The following AK9 variants were observed in gnomAD, a reference collection of about 807,000 sequenced individuals.
AK9 encodes the protein adenylate kinase 9, also known as adenylate kinase domain containing 1.
Under a neutral mutation model 239.6 loss-of-function variants are expected in AK9, and 191 were observed. The ratio of observed to expected loss-of-function variants is 0.80; its 90% CI spans 0.71 to 0.90. The LOEUF (loss-of-function observed/expected upper bound fraction) is 0.90, where lower values mean the gene tolerates loss of function less well. AK9 is among the 40% of genes least tolerant of loss of function. The pLI, the probability that AK9 is intolerant of heterozygous loss-of-function variation, is 0.00. For synonymous variants in AK9, 689 were observed against 721.0 expected (o/e 0.96, Z 0.71); for missense variants, 1,995 against 2,214.7 (o/e 0.90, Z 1.99).
chr6:109,514,221 C>T lies in AK9; in HGVS notation c.4279+3G>A. 2 of 1,549,086 alleles carry T rather than the reference C, an allele frequency of 1.3e-6. No individual in the cohort carries two copies. Among genetic ancestry groups the T allele is most frequent in the Non-Finnish European group, 1.7e-6 (2 of 1,145,780 alleles). ...AGGAAAACAAAGGCAAACATACGCTCACCTGTAGTTTTCCCAGATTTTGGA... is the reference window on the plus strand; with the variant it reads ...AGGAAAACAAAGGCAAACATACGCTTACCTGTAGTTTTCCCAGATTTTGGA... On this transcript the variant is annotated splice_donor_region_variant and intron_variant, in intron 32 of 40. Transcript: ENST00000424296.
At chr6:109,507,228 A>C (rs541472563) in intron 33 of AK9, among the ~76,000 whole-genome samples, 1 of 152,332 alleles carries the variant, frequency 6.6e-6, no homozygotes, top group Non-Finnish European at 1.5e-5. Flanking sequence ...AATGATGTTT[A>C]ACTCTTAGAG....
intron 25 of AK9, among the ~76,000 whole-genome samples, chr6:109,547,096 TA>T (rs995083009): frequency 1.6e-4 from 24 of 151,922 alleles, no homozygotes; most frequent in African/African-American, 5.6e-4. Flanking sequence ...CAGAAAAGGG[TA>T]AGTGGCCACA....
chr6:109,641,516 AC>A lies in AK9; in HGVS notation c.933+1del, dbSNP rs1797444857. On this transcript the variant is annotated splice_donor_variant, in intron 10 of 40. Coordinates refer to ENST00000424296, the MANE Select transcript of AK9 (RefSeq NM_001145128.3). LOFTEE classifies it high-confidence loss of function. ...ACTTTCAGACAGTTCCATATAACTT[AC>A]ATTTTCCATTGTGTCATTAATTTCT... 1 of 1,608,460 alleles carries A rather than the reference AC, an allele frequency of 6.2e-7. No homozygotes were observed. Among genetic ancestry groups the A allele is most frequent in the Admixed American group, 1.7e-5 (1 of 59,938 alleles).
At chr6:109,519,330 C>T (rs1779594220) in intron 29 of AK9, among the ~76,000 whole-genome samples, 1 of 152,102 alleles carries the variant, frequency 6.6e-6, no homozygotes. Flanking sequence ...TGTATATATA[C>T]CCAGTAATGG....
chr6:109,641,642 C>CAGA (rs1562536189), intron 9 of AK9, 26 bp from the exon 10 acceptor site: 1 of 1,568,512 alleles, frequency 6.4e-7, no homozygotes, highest in South Asian at 1.1e-5. Flanking sequence ...AGATATTTAA[C>CAGA]TACATTGGCA....
At chr6:109,547,839 T>A (rs1435457775) in intron 25 of AK9, among the ~76,000 whole-genome samples, 6 of 88,840 alleles carry the variant, frequency 6.8e-5, no homozygotes, top group South Asian at 5.7e-4. Flanking sequence ...CTCAAACAGC[T>A]CAGTAGCAAA....
intron 26 of AK9, among the ~76,000 whole-genome samples, chr6:109,545,231 G>C (rs746196590): frequency 6.6e-6 from 1 of 152,106 alleles, no homozygotes; most frequent in Non-Finnish European, 1.5e-5. Context: ...CTTGAGCCCA[G>C]GAATTTGAGA....
chr6:109,495,984 A>T (rs552264605), intron 38 of AK9, among the ~76,000 whole-genome samples: 2,217 of 145,046 alleles, frequency 0.015, 55 homozygotes, highest in African/African-American at 0.053. Context: ...TCCCCATTTA[A>T]AAAAAAAAAA....
In AK9 at chr6:109,641,349, CT is replaced by C. The variant is rs913203723; in HGVS notation, c.933+168del. 1.7e-3 allele frequency among the ~76,000 whole-genome samples: 214 copies of C among 124,354 alleles called. 1 individual carries two copies. The highest frequency in any genetic ancestry group is 7.4e-3 in the South Asian group (28 of 3,800). 81.6% of individuals were successfully genotyped at this position (124,354 alleles called of 152,430 possible). On this transcript the variant is annotated intron_variant, in intron 10 of 40. Coordinates refer to ENST00000424296, the MANE Select transcript of AK9 (RefSeq NM_001145128.3). ...CACCTGGCTAATTTTTTCTTTCTTTCTTTTTTTTTTTTTTTTTTTGTAGAGA... is the reference window on the plus strand; with the variant it reads ...CACCTGGCTAATTTTTTCTTTCTTTCTTTTTTTTTTTTTTTTTTGTAGAGA...
chr6:109,681,787 C>T (rs775097238), intron 1 of AK9, among the ~76,000 whole-genome samples: 4 of 152,156 alleles, frequency 2.6e-5, no homozygotes, highest in African/African-American at 4.8e-5. Context: ...GATTAAGAAA[C>T]TCACTCAAAG....
At chr6:109,689,996 G>A (rs1301732479) in intron 1 of AK9, among the ~76,000 whole-genome samples, 2 of 152,186 alleles carry the variant, frequency 1.3e-5, no homozygotes, top group African/African-American at 4.8e-5. Flanking sequence ...CCAAACTACA[G>A]GGGGAAAGAA....
At chr6:109,505,363 C>T (rs914232767) in intron 35 of AK9, among the ~76,000 whole-genome samples, 3 of 152,166 alleles carry the variant, frequency 2.0e-5, no homozygotes, top group Non-Finnish European at 2.9e-5. Context: ...GTAGTCATCA[C>T]TCTTTTTAGA....
At chr6:109,671,629 G>C (rs1379534123) in intron 5 of AK9, among the ~76,000 whole-genome samples, 1 of 152,222 alleles carries the variant, frequency 6.6e-6, no homozygotes, top group Non-Finnish European at 1.5e-5. Context: ...GAAGCAGTCA[G>C]CAGAGTTAGC....
intron 21 of AK9, among the ~76,000 whole-genome samples, chr6:109,567,142 C>T (rs916486666): frequency 6.6e-6 from 1 of 152,066 alleles, no homozygotes; most frequent in Admixed American, 6.6e-5. Context: ...AATCCAGGAC[C>T]TGGTTTTTTG....
chr6:109,672,689 A>G (rs1309374622), intron 3 of AK9, among the ~76,000 whole-genome samples: 1 of 152,150 alleles, frequency 6.6e-6, no homozygotes, highest in Non-Finnish European at 1.5e-5. Flanking sequence ...GTGTCTCAAA[A>G]TAAAAATAAA....
chr6:109,597,045 A>G (rs1791129859), intron 17 of AK9, among the ~76,000 whole-genome samples: 1 of 152,214 alleles, frequency 6.6e-6, no homozygotes, highest in Non-Finnish European at 1.5e-5. Flanking sequence ...AAGAAAATCT[A>G]TATAGAAAAT....
In AK9 at chr6:109,656,795, A is replaced by G; in HGVS notation, c.720T>C (p.Ile240=). 1.2e-6 allele frequency: 2 copies of G among 1,606,666 alleles called. No homozygotes were observed. Among genetic ancestry groups the G allele is most frequent in the Non-Finnish European group, 1.7e-6 (2 of 1,173,802 alleles). ...PEDYLENVEN[I]VKLYKETILQ... is the part of the protein sequence containing the mutation. ...GAATTGTTTCCTTATAAAGCTTAAC[A>G]ATGTTTTCAACATTTTCCAAATAAT... is the stretch of plus-strand genomic sequence containing the variant. Residue 240 remains isoleucine (I), a synonymous_variant, in exon 8 of 41, where the codon ATT becomes ATC. Coordinates refer to ENST00000424296, the MANE Select transcript of AK9 (RefSeq NM_001145128.3).
chr6:109,619,364 G>T, intron 12 of AK9, 128 bp from the exon 13 acceptor site: 4 of 1,042,292 alleles, frequency 3.8e-6, no homozygotes, highest in East Asian at 3.1e-5. Context: ...TACTGCTTGA[G>T]GTATATTTGG....
rs944316435 is a variant in AK9, at chr6:109,585,847, T to C, written c.1999+69A>G. On this transcript the variant is annotated intron_variant, in intron 18 of 40. Coordinates refer to ENST00000424296, the MANE Select transcript of AK9 (RefSeq NM_001145128.3). Reference sequence around the variant, plus strand: ...CTAGGAAGAGTGGAGAGTTGTCCGTTCTATATTTAACCAAAAATATCAATA... The same window carrying C: ...CTAGGAAGAGTGGAGAGTTGTCCGTCCTATATTTAACCAAAAATATCAATA... 31 of 1,422,426 alleles carry C rather than the reference T, an allele frequency of 2.2e-5. 1 individual carries two copies. The highest frequency in any genetic ancestry group is 3.9e-4 in the Middle Eastern group (2 of 5,104). The allele number at this position is 1,422,426 out of a possible 1,614,324, so 88.1% of individuals were successfully genotyped here. A position where few individuals can be genotyped will look rare whatever the true frequency, so the allele number is the denominator to read the frequency against.
Sources: gnomAD v4.1 joint callset for allele counts (sites outside exome capture counted in the v4.1 genomes callset) on GRCh38, gnomAD v4.1.1 for gene constraint, MANE v1.5 for transcripts, NCBI Gene and HGNC (gene_info 2026-07-23, HGNC 2026-07-21) for gene names.